The following BCAS3 variants were observed in gnomAD, a reference collection of about 807,000 sequenced individuals.
The protein encoded by BCAS3 is BCAS4/BCAS3 fusion.
BCAS3 carries 53 observed loss-of-function variants against 116.1 expected under a neutral mutation model. That is an observed-to-expected ratio of 0.46 (90% CI 0.37 to 0.57). The LOEUF is 0.57. Ranked by LOEUF, BCAS3 falls within the 20% of genes least tolerant of loss-of-function variation. The probability of loss-of-function intolerance (pLI) is 0.00; values close to 1 mark genes in which losing one functional copy is unlikely to be tolerated. For missense variants in BCAS3, 917 were observed against 1,165.4 expected (o/e 0.79, Z 3.10); for synonymous variants, 391 against 408.2 (o/e 0.96, Z 0.51).
At chr17:61,057,555 TC>T (rs1401197438) in intron 19 of BCAS3, among the ~76,000 whole-genome samples, 1 of 152,178 alleles carries the variant, frequency 6.6e-6, no homozygotes, top group East Asian at 1.9e-4. Context: ...TTTGGGGAGA[TC>T]CCTGCCCTAG....
chr17:61,026,814 TA>T lies in BCAS3; in HGVS notation c.1638-7849del. The T allele has an allele frequency of 6.7e-7, 1 of 1,503,720 alleles. No individual in the cohort carries two copies. Among genetic ancestry groups the T allele is most frequent in the African/African-American group, 1.4e-5 (1 of 72,234 alleles). 93.1% of individuals were successfully genotyped at this position (1,503,720 alleles called of 1,614,324 possible). A position where few individuals can be genotyped will look rare whatever the true frequency, so the allele number is the denominator to read the frequency against. Reference sequence around the variant, plus strand: ...ATGATATACTTGTATTTGCTAATGTTAAATGAGTTTTTCTCTAATTTTTTGT... The same window carrying T: ...ATGATATACTTGTATTTGCTAATGTTAATGAGTTTTTCTCTAATTTTTTGT... On this transcript the variant is annotated intron_variant, in intron 16 of 23. Transcript: ENST00000407086. This position sits in a 1 kb window ranked among gnomAD's most constrained non-coding sequence, Gnocchi z 5.0.
rs1235203846 is a variant in BCAS3 at position 61,097,082 on chromosome 17, C to A, written c.2425+12518C>A. On this transcript the variant is annotated intron_variant, in intron 22 of 23. Transcript: ENST00000407086. This position sits in a 1 kb window ranked among gnomAD's most constrained non-coding sequence, Gnocchi z 4.0. The stretch of plus-strand genomic sequence containing the variant: ...ATGCTGAGTGAGATATTAATAAACA[C>A]AAAGAAAACCATACGTAGACATATT... Among the ~76,000 whole-genome samples the A allele has an allele frequency of 1.3e-5, 2 of 152,144 alleles. No homozygotes were observed. Among genetic ancestry groups the A allele is most frequent in the African/African-American group, 2.4e-5 (1 of 41,430 alleles).
chr17:60,839,323 T>C (rs914273961), intron 7 of BCAS3, among the ~76,000 whole-genome samples: 8 of 152,220 alleles, frequency 5.3e-5, no homozygotes, highest in Admixed American at 3.9e-4. Context: ...CTTTCTTTTT[T>C]TCAACATAAT....
At chr17:61,253,275 G>A (rs1210189262) in intron 22 of BCAS3, among the ~76,000 whole-genome samples, 2 of 151,762 alleles carry the variant, frequency 1.3e-5, no homozygotes, top group Non-Finnish European at 2.9e-5. Context: ...TGCCTGGGCT[G>A]GGCCCGGTGG....
Position 61,282,104 on chromosome 17 carries a change from C to T in BCAS3, c.2426-86223C>T, listed in dbSNP as rs1273755880. Among the ~76,000 whole-genome samples, 1 of 152,134 alleles carries T rather than the reference C, an allele frequency of 6.6e-6. No individual in the cohort carries two copies. Among genetic ancestry groups the T allele is most frequent in the Non-Finnish European group, 1.5e-5 (1 of 68,028 alleles). On this transcript the variant is annotated intron_variant, in intron 22 of 23. Coordinates refer to ENST00000407086, the MANE Select transcript of BCAS3 (RefSeq NM_017679.5). The surrounding 1 kb of genome is among the most constrained non-coding windows in gnomAD (Gnocchi z 5.9). ...CATTTTTGTGAATATCTAATAAGAT[C>T]AAGTGAATTTAATATATGAGAAAGT... is the stretch of plus-strand genomic sequence containing the variant.
chr17:61,375,246 G>GTGTGTGTGTGCGCGCGTGCGCGCGCACA (rs150061118), intron 23 of BCAS3, among the ~76,000 whole-genome samples: 1 of 150,666 alleles, frequency 6.6e-6, no homozygotes, highest in African/African-American at 2.5e-5. Flanking sequence ...GTGTGTGTGT[G>GTGTGTGTGTGCGCGCGTGCGCGCGCACA]TGTGTGTGTA....
intron 6 of BCAS3, among the ~76,000 whole-genome samples, chr17:60,755,481 A>G (rs1305885519): frequency 1.3e-5 from 2 of 152,208 alleles, no homozygotes; most frequent in Non-Finnish European, 2.9e-5. Flanking sequence ...GTTATATAGC[A>G]CATAATATAA....
chr17:60,853,384 G>A (rs76164259), intron 7 of BCAS3, among the ~76,000 whole-genome samples: 4,603 of 152,276 alleles, frequency 0.03, 178 homozygotes, highest in East Asian at 0.092. Flanking sequence ...GTGGTGAACT[G>A]TACATGGAAG....
chr17:60,777,030 A>AAAC (rs2045366052), intron 6 of BCAS3, among the ~76,000 whole-genome samples: 1 of 151,852 alleles, frequency 6.6e-6, no homozygotes, highest in South Asian at 2.1e-4. Context: ...AAAAAAAAAA[A>AAAC]AACAAATGAA....
intron 5 of BCAS3, among the ~76,000 whole-genome samples, chr17:60,712,382 G>GAA (rs568948958): frequency 0.059 from 8,225 of 140,402 alleles, 766 homozygotes; most frequent in African/African-American, 0.2. Flanking sequence ...TCTTGGGAAG[G>GAA]AAAAAAAAAA....
At position 61,316,794 on chromosome 17, in the gene BCAS3, CG is replaced by C. The variant is rs2054783855; in HGVS notation, c.2426-51529del. Among the ~76,000 whole-genome samples the C allele has an allele frequency of 6.6e-6, 1 of 152,184 alleles. No homozygotes were observed. Among genetic ancestry groups the C allele is most frequent in the Non-Finnish European group, 1.5e-5 (1 of 68,028 alleles). ...ACTGTATGTGCTGTGCTAGATTCCTCGGGGTCATGTACAATAATTCCTGCCA... is the reference window on the plus strand; with the variant it reads ...ACTGTATGTGCTGTGCTAGATTCCTCGGGTCATGTACAATAATTCCTGCCA... On this transcript the variant is annotated intron_variant, in intron 22 of 23. Coordinates refer to ENST00000407086, the MANE Select transcript of BCAS3 (RefSeq NM_017679.5). This position sits in a 1 kb window ranked among gnomAD's most constrained non-coding sequence, Gnocchi z 5.8.
intron 13 of BCAS3, among the ~76,000 whole-genome samples, chr17:60,935,513 AT>A (rs1283853567): frequency 6.6e-6 from 1 of 151,976 alleles, no homozygotes; most frequent in Non-Finnish European, 1.5e-5. Flanking sequence ...TGGATCAGCC[AT>A]TTTTCTTATA....
At position 61,392,368 on chromosome 17, in the gene BCAS3, G is replaced by A. The variant is rs1395360106; in HGVS notation, c.*243G>A. ...TGGCCAGGAGAGACTGTAGAAGCTCGGTCCCTGTGTATGTTTGCATATGAC... is the reference window on the plus strand; with the variant it reads ...TGGCCAGGAGAGACTGTAGAAGCTCAGTCCCTGTGTATGTTTGCATATGAC... On this transcript the variant is annotated 3_prime_UTR_variant, in exon 24 of 24. Transcript: ENST00000407086. This position sits in a 1 kb window ranked among gnomAD's most constrained non-coding sequence, Gnocchi z 6.4. 6.7e-6 allele frequency: 3 copies of A among 450,196 alleles called. No individual in the cohort carries two copies. Among genetic ancestry groups the A allele is most frequent in the Middle Eastern group, 3.0e-4 (1 of 3,378 alleles). The allele number at this position is 450,196 out of a possible 1,614,324, so 27.9% of individuals were successfully genotyped here. A position where few individuals can be genotyped will look rare whatever the true frequency, so the allele number is the denominator to read the frequency against.
At chr17:60,745,905 T>A (rs1453376702) in intron 5 of BCAS3, among the ~76,000 whole-genome samples, 1 of 152,156 alleles carries the variant, frequency 6.6e-6, no homozygotes, top group Admixed American at 6.5e-5. Context: ...AGTTTGCAGC[T>A]CTTAAATTCA....
Position 61,363,194 on chromosome 17 carries a change from T to C in BCAS3, c.2426-5133T>C, listed in dbSNP as rs553985953. ...CACAGGTGGGTTTCAGAGGCATCCA[T>C]AGATGCCCCAAAATTGCCCGCATAA... On this transcript the variant is annotated intron_variant, in intron 22 of 23. Coordinates refer to ENST00000407086, the MANE Select transcript of BCAS3 (RefSeq NM_017679.5). The surrounding 1 kb of genome is among the most constrained non-coding windows in gnomAD (Gnocchi z 4.9). Among the ~76,000 whole-genome samples the C allele has an allele frequency of 3.3e-5, 5 of 152,318 alleles. No homozygotes were observed. The highest frequency in any genetic ancestry group is 4.8e-5 in the African/African-American group (2 of 41,578).
At chr17:61,273,312 G>A (rs2050471702) in intron 22 of BCAS3, among the ~76,000 whole-genome samples, 1 of 151,874 alleles carries the variant, frequency 6.6e-6, no homozygotes, top group Non-Finnish European at 1.5e-5. Flanking sequence ...GTTTTGCCAT[G>A]TTGCCCAGAC....
chr17:60,989,479 G>GTT (rs11314373), intron 14 of BCAS3, among the ~76,000 whole-genome samples: 52 of 135,178 alleles, frequency 3.8e-4, no homozygotes, highest in African/African-American at 8.6e-4. Flanking sequence ...AAATAAAGTT[G>GTT]TTTTTTTTTT....
At position 61,198,314 on chromosome 17, in the gene BCAS3, G is replaced by A. The variant is rs2080617226; in HGVS notation, c.2425+113750G>A. On this transcript the variant is annotated intron_variant, in intron 22 of 23. Transcript: ENST00000407086. This position sits in a 1 kb window ranked among gnomAD's most constrained non-coding sequence, Gnocchi z 5.0. ...AGCCACCACACCCAGCTAATTTTTTGCATTTTTAGTAGAGATGGGGTTTCA... is the reference window on the plus strand; with the variant it reads ...AGCCACCACACCCAGCTAATTTTTTACATTTTTAGTAGAGATGGGGTTTCA... 6.6e-6 allele frequency among the ~76,000 whole-genome samples: 1 copy of A among 151,776 alleles called. No individual in the cohort carries two copies. The highest frequency in any genetic ancestry group is 1.5e-5 in the Non-Finnish European group (1 of 67,946).
At chr17:60,725,564 C>G (rs1366727289) in intron 5 of BCAS3, among the ~76,000 whole-genome samples, 3 of 152,152 alleles carry the variant, frequency 2.0e-5, no homozygotes, top group South Asian at 4.1e-4. Context: ...GGTTCCCGAC[C>G]AGGAGTGATT....
Sources: allele counts gnomAD v4.1 joint callset (sites outside exome capture counted in the v4.1 genomes callset), GRCh38; gene constraint gnomAD v4.1.1; non-coding constraint Gnocchi (gnomAD v3.1); transcripts MANE v1.5; gene names NCBI Gene and HGNC (gene_info 2026-07-23, HGNC 2026-07-21).